TNIP1: variants seen among roughly 807,000 people sequenced by gnomAD.
TNIP1 encodes the protein TNFAIP3 interacting protein 1.
TNIP1 carries 22 observed loss-of-function variants against 86.6 expected under a neutral mutation model. The ratio of observed to expected loss-of-function variants is 0.25; its 90% confidence interval spans 0.18 to 0.36. The LOEUF (loss-of-function observed/expected upper bound fraction) is 0.36. Among genes scored for constraint, TNIP1 ranks in the 10% least tolerant of loss-of-function variants. The pLI, the probability that TNIP1 is intolerant of heterozygous loss-of-function variation, is 1.00. For missense variants in TNIP1, 709 were observed against 820.6 expected (o/e 0.86, Z 1.66); for synonymous variants, 294 against 313.0 (o/e 0.94, Z 0.64).
intron 1 of TNIP1, among the ~76,000 whole-genome samples, chr5:151,066,908 G>A (rs774886457): frequency 6.6e-6 from 1 of 152,154 alleles, no homozygotes; most frequent in African/African-American, 2.4e-5. Context: ...GGTCACCTCT[G>A]GGCAGTTTCC....
intron 11 of TNIP1, among the ~76,000 whole-genome samples, chr5:151,041,794 C>T (rs1344301578): frequency 6.6e-6 from 1 of 152,222 alleles, no homozygotes; most frequent in Non-Finnish European, 1.5e-5. Flanking sequence ...ATGCCTGAGA[C>T]AGGCTCTGAA....
chr5:151,042,510 G>A (rs372752882), intron 11 of TNIP1, 30 bp downstream of exon 11: 13 of 1,606,124 alleles, frequency 8.1e-6, no homozygotes, highest in African/African-American at 2.7e-5. Flanking sequence ...GAGGGGAACT[G>A]ACTCTGCAGG....
intron 2 of TNIP1, among the ~76,000 whole-genome samples, chr5:151,064,263 A>T (rs1202848824): frequency 5.9e-5 from 9 of 152,212 alleles, no homozygotes. Flanking sequence ...CTGCCAAGCA[A>T]GGAGAAAGCA....
Position 151,065,116 on chromosome 5 carries a change from C to T in TNIP1, c.-21G>A, listed in dbSNP as rs751955029. On this transcript the variant is annotated 5_prime_UTR_variant, in exon 2 of 18. Coordinates refer to ENST00000521591, the MANE Select transcript of TNIP1 (RefSeq NM_006058.5). ...TCCATGAGGGTAGCTCAGCCCCTGC[C>T]GTGGTGCCCGCCTGGCTGTAAGGAC... The T allele has an allele frequency of 6.2e-6, 10 of 1,607,954 alleles. No individual in the cohort carries two copies. The highest frequency in any genetic ancestry group is 2.2e-5 in the East Asian group (1 of 44,746).
rs531876362 is a variant in TNIP1 at position 151,047,265 on chromosome 5, C to T, written c.847-1315G>A. 6.6e-5 allele frequency among the ~76,000 whole-genome samples: 10 copies of T among 152,316 alleles called. No homozygotes were observed. In the South Asian group the frequency reaches 8.3e-4, roughly 13 times the overall value. On this transcript the variant is annotated intron_variant, in intron 8 of 17. Coordinates refer to ENST00000521591, the MANE Select transcript of TNIP1 (RefSeq NM_006058.5). ...CCTCCGTGAGATTCTTGCCAAAACA[C>T]GTAACCTCAATCTCCTCATGAGATC...
intron 8 of TNIP1, chr5:151,046,271 A>C: frequency 3.5e-6 from 1 of 282,970 alleles, no homozygotes; most frequent in Non-Finnish European, 6.8e-6. Context: ...CCCTACACAC[A>C]TCAGCCAAAA....
chr5:151,071,120 A>C (rs1276839565), intron 1 of TNIP1, among the ~76,000 whole-genome samples: 1 of 152,150 alleles, frequency 6.6e-6, no homozygotes, highest in African/African-American at 2.4e-5. Flanking sequence ...TAAGGTCTTT[A>C]ATTTAAAAGA....
chr5:151,082,116 T>G (rs1764070667), upstream of TNIP1, among the ~76,000 whole-genome samples: 1 of 152,154 alleles, frequency 6.6e-6, no homozygotes, highest in South Asian at 2.1e-4. Flanking sequence ...ATACACACCC[T>G]CATTTTACAG....
chr5:151,053,101 CTTTTTTTTTT>C lies in TNIP1; in HGVS notation c.628-852_628-843del, dbSNP rs11390788. 9.4e-5 allele frequency among the ~76,000 whole-genome samples: 8 copies of C among 85,230 alleles called. 1 individual carries two copies. Among genetic ancestry groups the C allele is most frequent in the South Asian group, 5.4e-4 (1 of 1,844 alleles). 55.9% of individuals were successfully genotyped at this position (85,230 alleles called of 152,430 possible). ...CTACAAAAGAAAGACAACTGTTTCTCTTTTTTTTTTTTTTTTTTTTTTTTTTAAGACAGAG... is the reference window on the plus strand; with the variant it reads ...CTACAAAAGAAAGACAACTGTTTCTCTTTTTTTTTTTTTTTTAAGACAGAG... On this transcript the variant is annotated intron_variant, in intron 6 of 17. Transcript: ENST00000521591.
chr5:151,046,276 C>A, intron 8 of TNIP1: 1 of 272,650 alleles, frequency 3.7e-6, no homozygotes, highest in Middle Eastern at 1.2e-3. Flanking sequence ...CACACATCAG[C>A]CAAAAAACTC....
intron 1 of TNIP1, among the ~76,000 whole-genome samples, chr5:151,086,403 G>A (rs1764278546): frequency 6.6e-6 from 1 of 152,184 alleles, no homozygotes; most frequent in Non-Finnish European, 1.5e-5. Context: ...AGCGGCCCTA[G>A]AAGCAGAGCA....
At chr5:151,073,076 GCCAGGTGTGGTGGCGGGTGCCTGTAGTC>G (rs1311541776) in intron 1 of TNIP1, among the ~76,000 whole-genome samples, 6 of 152,134 alleles carry the variant, frequency 3.9e-5, no homozygotes, top group Admixed American at 6.5e-5. Flanking sequence ...ACAAAAATTA[GCCAGGTGTGGTGGCGGGTGCCTGTAGTC>G]CCAGCTACTG....
chr5:151,077,604 C>G (rs1763532496), intron 1 of TNIP1, among the ~76,000 whole-genome samples: 1 of 152,208 alleles, frequency 6.6e-6, no homozygotes, highest in South Asian at 2.1e-4. Context: ...CTACCCAGGT[C>G]TGCCAAGCAC....
intron 15 of TNIP1, chr5:151,034,561 T>C: frequency 7.4e-6 from 2 of 269,586 alleles, no homozygotes; most frequent in African/African-American, 2.8e-5. Context: ...GGCTGATACA[T>C]GGAAACGGAA....
At chr5:151,082,979 C>T (rs989487557), upstream of TNIP1, among the ~76,000 whole-genome samples, 1 of 151,036 alleles carries the variant, frequency 6.6e-6, no homozygotes, top group African/African-American at 2.4e-5. Context: ...AAAGGACTTA[C>T]TCTAGGCCAC....
intron 13 of TNIP1, 36 bp from the exon 14 acceptor site, chr5:151,035,743 T>C: frequency 1.2e-6 from 2 of 1,610,442 alleles, no homozygotes; most frequent in Non-Finnish European, 1.7e-6. Context: ...GGGAGGGGGA[T>C]GGTCCTGAGT....
At position 151,056,186 on chromosome 5, in the gene TNIP1, A is replaced by G. The variant is rs534501861; in HGVS notation, c.627+580T>C. Reference sequence around the variant, plus strand: ...GGTCACTACTGGAACCAAGGACCATATAACTCCAAGGTCTGGCCTGGCCTA... The same window carrying G: ...GGTCACTACTGGAACCAAGGACCATGTAACTCCAAGGTCTGGCCTGGCCTA... On this transcript the variant is annotated intron_variant, in intron 6 of 17. Transcript: ENST00000521591. Among the ~76,000 whole-genome samples the G allele has an allele frequency of 2.0e-3, 298 of 152,374 alleles. 14 individuals carry two copies. The South Asian group carries it at 0.059, about 30-fold the overall frequency.
chr5:151,065,231 C>G (rs1303803588), intron 1 of TNIP1, 100 bp from the exon 2 acceptor site: 1 of 1,016,684 alleles, frequency 9.8e-7, no homozygotes, highest in East Asian at 2.6e-5. Flanking sequence ...GGCAGTCCCC[C>G]ACTTTAAGCT....
intron 9 of TNIP1, among the ~76,000 whole-genome samples, chr5:151,044,334 G>A (rs1561827313): frequency 2.0e-5 from 3 of 151,924 alleles, no homozygotes; most frequent in Non-Finnish European, 4.4e-5. Flanking sequence ...GAGCCACCAC[G>A]CCTGACCCAG....
Sources: allele counts gnomAD v4.1 joint callset (sites outside exome capture counted in the v4.1 genomes callset), GRCh38; gene constraint gnomAD v4.1.1; transcripts MANE v1.5; gene names NCBI Gene and HGNC (gene_info 2026-07-23, HGNC 2026-07-21).